Variants in GRIP1 observed in about 807,000 individuals in gnomAD.
The protein encoded by GRIP1 is glutamate receptor interacting protein 1.
In GRIP1, 45 loss-of-function variants were observed where a neutral mutation model predicts 129.9. The observed-to-expected ratio is 0.35, with a 90% CI of 0.27 to 0.44. The LOEUF is 0.44. Ranked by LOEUF, GRIP1 falls within the 20% of genes least tolerant of loss-of-function variation. The pLI is 1.00. For synonymous variants in GRIP1, 530 were observed against 520.8 expected (o/e 1.02, Z -0.24); for missense variants, 1,196 against 1,396.8 (o/e 0.86, Z 2.29).
At chr12:66,763,779 C>T (rs754650638) in intron 1 of GRIP1, among the ~76,000 whole-genome samples, 13 of 152,116 alleles carry the variant, frequency 8.5e-5, no homozygotes, top group African/African-American at 1.2e-4. Context: ...CACCTAAAAC[C>T]GGATAATAAT....
chr12:66,854,685 T>C (rs528252617), intron 1 of GRIP1, among the ~76,000 whole-genome samples: 18 of 152,048 alleles, frequency 1.2e-4, no homozygotes, highest in Non-Finnish European at 2.1e-4. Context: ...AAATGCTGCC[T>C]GGTATGCAAA....
chr12:66,869,149 T>C (rs773446932), intron 1 of GRIP1, among the ~76,000 whole-genome samples: 58 of 152,072 alleles, frequency 3.8e-4, no homozygotes, highest in South Asian at 2.5e-3. Context: ...GCAAGGGCTA[T>C]TTCTATTCAT....
chr12:66,912,481 G>GA (rs752487654), intron 1 of GRIP1, among the ~76,000 whole-genome samples: 2 of 151,752 alleles, frequency 1.3e-5, no homozygotes, highest in African/African-American at 2.4e-5. Flanking sequence ...TAGGCAAAAA[G>GA]AAAAAACATG....
intron 16 of GRIP1, among the ~76,000 whole-genome samples, chr12:66,396,237 G>A (rs1290399687): frequency 6.6e-6 from 1 of 152,180 alleles, no homozygotes; most frequent in African/African-American, 2.4e-5. Context: ...GCACAAACTT[G>A]TCAATGGGTG....
chr12:66,348,898 CCTGTG>C lies in GRIP1; in HGVS notation c.*116_*120del. 1.3e-6 allele frequency: 1 copy of C among 796,464 alleles called. No homozygotes were observed. Among genetic ancestry groups the C allele is most frequent in the Non-Finnish European group, 2.3e-6 (1 of 438,890 alleles). 49.3% of individuals were successfully genotyped at this position (796,464 alleles called of 1,614,324 possible). ...AGCCATGAGAGAGATTTAAAAGACC[CCTGTG>C]CTTGCAGTTAATGCCACGTTGATTG... On this transcript the variant is annotated 3_prime_UTR_variant, in exon 25 of 25. Coordinates refer to ENST00000359742, the MANE Select transcript of GRIP1 (RefSeq NM_001366722.1).
intron 1 of GRIP1, among the ~76,000 whole-genome samples, chr12:66,736,346 ATTTTTTTTTTTTTTTTTTTT>A (rs547706592): frequency 0.076 from 5,065 of 66,832 alleles, 399 homozygotes; most frequent in East Asian, 0.2. Context: ...TGCCTGGCTA[ATTTTTTTTTTTTTTTTTTTT>A]TTTTTTTTTT....
intron 13 of GRIP1, among the ~76,000 whole-genome samples, chr12:66,441,726 G>T (rs569402527): frequency 1.3e-5 from 2 of 152,220 alleles, no homozygotes; most frequent in Non-Finnish European, 2.9e-5. Context: ...TTAAGGAAGA[G>T]ACATGCTTAT....
intron 1 of GRIP1, among the ~76,000 whole-genome samples, chr12:66,944,732 C>A (rs555115177): frequency 2.3e-4 from 35 of 152,218 alleles, no homozygotes; most frequent in Middle Eastern, 3.4e-3. Context: ...GCTACTGGGC[C>A]ATTTCACACC....
rs1338068714 is a variant in GRIP1 at position 66,444,741 on chromosome 12, C to A, written c.1542-12G>T. 4.3e-6 allele frequency: 7 copies of A among 1,613,752 alleles called. No homozygotes were observed. The highest frequency in any genetic ancestry group is 5.9e-6 in the Non-Finnish European group (7 of 1,179,664). ...GTAGCACCCCACATCTAATTTAGAA[C>A]CACATGTGAGAGGTTGTAGATGGAG... is the stretch of plus-strand genomic sequence containing the variant. On this transcript the variant is annotated splice_polypyrimidine_tract_variant and intron_variant, in intron 12 of 24. Coordinates refer to ENST00000359742, the MANE Select transcript of GRIP1 (RefSeq NM_001366722.1).
chr12:66,601,868 A>C (rs2064292647), intron 1 of GRIP1, among the ~76,000 whole-genome samples: 1 of 152,204 alleles, frequency 6.6e-6, no homozygotes, highest in African/African-American at 2.4e-5. Context: ...TTTAGTACCT[A>C]CTATGTGCAA....
rs111884480 is a variant in GRIP1, at chr12:66,431,210, C to T, written c.1768+1338G>A. 7.6e-4 allele frequency among the ~76,000 whole-genome samples: 115 copies of T among 152,144 alleles called. 1 individual carries two copies. In the East Asian group the frequency reaches 0.017, roughly 22 times the overall value. The stretch of plus-strand genomic sequence containing the variant: ...AGTTGTTGACACTATAGTGACATAC[C>T]ATCTTTGCTGCATAGTGAAAAAACT... On this transcript the variant is annotated intron_variant, in intron 14 of 24. Transcript: ENST00000359742.
At chr12:66,750,041 G>C (rs2037075846) in intron 1 of GRIP1, among the ~76,000 whole-genome samples, 1 of 152,140 alleles carries the variant, frequency 6.6e-6, no homozygotes, top group South Asian at 2.1e-4. Context: ...CAACAAACTG[G>C]AGACAAGGCA....
At chr12:66,987,478 G>C (rs776108180) in intron 1 of GRIP1, among the ~76,000 whole-genome samples, 5 of 152,184 alleles carry the variant, frequency 3.3e-5, no homozygotes, top group Non-Finnish European at 7.3e-5. Flanking sequence ...AGCCAGAGTA[G>C]AATGCTAAGC....
chr12:66,955,590 C>T (rs1421298041), intron 1 of GRIP1, among the ~76,000 whole-genome samples: 1 of 151,082 alleles, frequency 6.6e-6, no homozygotes, highest in Non-Finnish European at 1.5e-5. Context: ...TCACTGCAAC[C>T]TCCACCTCCC....
chr12:66,428,129 G>T (rs759395488), intron 14 of GRIP1, among the ~76,000 whole-genome samples: 25 of 152,214 alleles, frequency 1.6e-4, no homozygotes, highest in Non-Finnish European at 2.6e-4. Context: ...TGGGCAAGTG[G>T]ACCCAAGTTT....
chr12:66,658,580 C>CAA (rs112976977), intron 1 of GRIP1, among the ~76,000 whole-genome samples: 2 of 124,938 alleles, frequency 1.6e-5, no homozygotes, highest in African/African-American at 2.9e-5. Context: ...GACTCCATCT[C>CAA]AAAAAAAAAA....
chr12:66,527,075 G>A (rs1316669069), intron 5 of GRIP1, among the ~76,000 whole-genome samples: 1 of 146,110 alleles, frequency 6.8e-6, no homozygotes, highest in African/African-American at 2.6e-5. Flanking sequence ...TACACTGTTG[G>A]TGGGACTGTA....
intron 1 of GRIP1, among the ~76,000 whole-genome samples, chr12:67,033,670 T>A (rs2043054941): frequency 6.6e-6 from 1 of 152,144 alleles, no homozygotes; most frequent in Non-Finnish European, 1.5e-5. Flanking sequence ...ATCCAAGTTC[T>A]CCAAGTCCTG....
chr12:66,686,288 GA>G (rs1168112707), intron 1 of GRIP1, among the ~76,000 whole-genome samples: 1 of 152,166 alleles, frequency 6.6e-6, no homozygotes, highest in African/African-American at 2.4e-5. Flanking sequence ...GTTGTTCACT[GA>G]AGTCAGAGGC....
Sources: allele counts gnomAD v4.1 joint callset (sites outside exome capture counted in the v4.1 genomes callset), GRCh38; gene constraint gnomAD v4.1.1; transcripts MANE v1.5; gene names NCBI Gene and HGNC (gene_info 2026-07-23, HGNC 2026-07-21).